The following CELSR1 variants were observed in gnomAD, a reference collection of about 807,000 sequenced individuals.
The protein encoded by CELSR1 is adhesion G protein-coupled receptor C1.
CELSR1 carries 110 observed loss-of-function variants against 249.1 expected under a neutral mutation model. That is an observed-to-expected ratio of 0.44 (90% CI 0.38 to 0.52). The LOEUF is 0.52. CELSR1 is among the 20% of genes least tolerant of loss of function. CELSR1 has a pLI of 0.00. For synonymous variants in CELSR1, 2,113 were observed against 1,900.0 expected (o/e 1.11, Z -2.92); for missense variants, 4,109 against 4,296.4 (o/e 0.96, Z 1.22).
Position 46,511,473 on chromosome 22 carries a change from G to T in CELSR1, c.3544+22154C>A, listed in dbSNP as rs891024644. On this transcript the variant is annotated intron_variant, in intron 1 of 34. Coordinates refer to ENST00000674500, the MANE Select transcript of CELSR1 (RefSeq NM_001378328.1). ...ATGGCGTGGAGCAGACTTTCCTTCT[G>T]CTCTATTTCATAACACGATAGTGAC... Among the ~76,000 whole-genome samples the T allele has an allele frequency of 2.0e-5, 3 of 152,336 alleles. No individual in the cohort carries two copies. The East Asian group carries it at 5.8e-4, about 29-fold the overall frequency.
In CELSR1 at chr22:46,364,698, C is replaced by G; in HGVS notation, c.8593G>C (p.Asp2865His). 6.2e-7 allele frequency: 1 copy of G among 1,612,426 alleles called. No individual in the cohort carries two copies. The highest frequency in any genetic ancestry group is 1.1e-5 in the South Asian group (1 of 91,056). ...CTGTCACTCTCAGCCAGGCTCTGGT[C>G]GGGCCAGCCGGCCGGAACGTGGTTG... ...VANHVPAGWPDQSLAESDSED... is the reference protein window; with the variant it reads ...VANHVPAGWPHQSLAESDSED... The change falls in exon 33 of 35, where the codon GAC becomes CAC. Residue 2865 changes from aspartate to histidine, a missense_variant. Coordinates refer to ENST00000674500, the MANE Select transcript of CELSR1 (RefSeq NM_001378328.1).
intron 5 of CELSR1, among the ~76,000 whole-genome samples, chr22:46,416,973 T>A (rs1260997082): frequency 8.4e-5 from 1 of 11,912 alleles, no homozygotes; most frequent in Admixed American, 1.3e-3. Flanking sequence ...GGGAAGGCGG[T>A]GTGGGGGGGT....
intron 3 of CELSR1, 72 bp downstream of exon 3, chr22:46,439,117 G>T: frequency 7.2e-7 from 1 of 1,381,218 alleles, no homozygotes; most frequent in Non-Finnish European, 1.0e-6. Flanking sequence ...GATCTAGAGG[G>T]ATGGGGTGCA....
rs1027332073 is a variant in CELSR1, at chr22:46,454,179, G to C, written c.4183+9528C>G. 4.6e-5 allele frequency among the ~76,000 whole-genome samples: 7 copies of C among 152,102 alleles called. No homozygotes were observed. Among genetic ancestry groups the C allele is most frequent in the Admixed American group, 4.6e-4 (7 of 15,270 alleles). ...GGTGCCAGGGACTAAGGACCAGGTG[G>C]CCTCCAGCAGCTGAGGAAGGCAGAG... On this transcript the variant is annotated intron_variant, in intron 2 of 34. Coordinates refer to ENST00000674500, the MANE Select transcript of CELSR1 (RefSeq NM_001378328.1). This position sits in a 1 kb window ranked among gnomAD's most constrained non-coding sequence, Gnocchi z 5.1.
In CELSR1 at chr22:46,429,065, G is replaced by A. The variant is rs1431688488; in HGVS notation, c.4611+4328C>T. ...TGGGGTCTAAACGTGATCCCCGCAGGCAGCCTCAGGGAAGCACAGTAAGGG... is the reference window on the plus strand; with the variant it reads ...TGGGGTCTAAACGTGATCCCCGCAGACAGCCTCAGGGAAGCACAGTAAGGG... On this transcript the variant is annotated intron_variant, in intron 5 of 34. Coordinates refer to ENST00000674500, the MANE Select transcript of CELSR1 (RefSeq NM_001378328.1). The surrounding 1 kb of genome is among the most constrained non-coding windows in gnomAD (Gnocchi z 4.1). Among the ~76,000 whole-genome samples, 1 of 152,118 alleles carries A rather than the reference G, an allele frequency of 6.6e-6. No homozygotes were observed. The highest frequency in any genetic ancestry group is 1.5e-5 in the Non-Finnish European group (1 of 68,004).
chr22:46,537,528 C>G lies in CELSR1; in HGVS notation c.-358G>C, dbSNP rs1228592612. 6.8e-6 allele frequency among the ~76,000 whole-genome samples: 1 copy of G among 147,984 alleles called. No homozygotes were observed. ...ACGGGCGTGGGAAGCGGGGCGGGCC[C>G]GGCGCGGGGCGGGGGCTGAGTTCCC... On this transcript the variant is annotated 5_prime_UTR_variant, in exon 1 of 35. Transcript: ENST00000674500. This position sits in a 1 kb window ranked among gnomAD's most constrained non-coding sequence, Gnocchi z 5.8.
intron 1 of CELSR1, among the ~76,000 whole-genome samples, chr22:46,466,086 C>A (rs1466994080): frequency 6.6e-6 from 1 of 152,184 alleles, no homozygotes; most frequent in African/African-American, 2.4e-5. Flanking sequence ...CCACAGAGCA[C>A]CTCGGAGCAG....
At position 46,364,052 on chromosome 22, in the gene CELSR1, G is replaced by A. The variant is rs141868181; in HGVS notation, c.8979C>T (p.Asn2993=). ...CAGTGCGCACATTCATGGCCACCCC[G>A]TTGAGGTGGTCACGCCCCGGCTCCC... is the stretch of plus-strand genomic sequence containing the variant. The part of the protein sequence containing the change: ...PGREPGRDHL[N]GVAMNVRTGS... Residue 2993 remains asparagine (N), a synonymous_variant, in exon 34 of 35, where the codon AAC becomes AAT. Coordinates refer to ENST00000674500, the MANE Select transcript of CELSR1 (RefSeq NM_001378328.1). The A allele has an allele frequency of 2.9e-3, 4,673 of 1,612,120 alleles. 13 individuals are homozygous for A. Among genetic ancestry groups the A allele is most frequent in the East Asian group, 6.1e-3 (274 of 44,860 alleles).
At chr22:46,487,908 GCT>G (rs2080331167) in intron 1 of CELSR1, among the ~76,000 whole-genome samples, 1 of 133,026 alleles carries the variant, frequency 7.5e-6, no homozygotes, top group Non-Finnish European at 1.6e-5. Context: ...ATATGGGAGG[GCT>G]GTCCAGCTGA....
Position 46,363,156 on chromosome 22 carries a change from T to C in CELSR1, c.*67A>G, listed in dbSNP as rs761516311. On this transcript the variant is annotated 3_prime_UTR_variant, in exon 35 of 35. Transcript: ENST00000674500. This position sits in a 1 kb window ranked among gnomAD's most constrained non-coding sequence, Gnocchi z 4.3. ...AAGGTCTGAGGGTGATGCCGCAGCCTGTGTGGGGTGACGGGCTTGCCTCAC... is the reference window on the plus strand; with the variant it reads ...AAGGTCTGAGGGTGATGCCGCAGCCCGTGTGGGGTGACGGGCTTGCCTCAC... 11 of 1,613,628 alleles carry C rather than the reference T, an allele frequency of 6.8e-6. No individual in the cohort carries two copies. In the Middle Eastern group the frequency reaches 4.9e-4, roughly 72 times the overall value.
chr22:46,420,828 A>G (rs1051389930), intron 5 of CELSR1, among the ~76,000 whole-genome samples: 1 of 152,132 alleles, frequency 6.6e-6, no homozygotes, highest in Non-Finnish European at 1.5e-5. Context: ...AAGGGGTGAC[A>G]TGCTCAGTAT....
chr22:46,418,607 G>A (rs2079430092), intron 5 of CELSR1, among the ~76,000 whole-genome samples: 2 of 152,206 alleles, frequency 1.3e-5, no homozygotes, highest in Admixed American at 6.5e-5. Context: ...CGCTGAACCC[G>A]CAGGCTCTTC....
chr22:46,495,894 T>C (rs547235785), intron 1 of CELSR1, among the ~76,000 whole-genome samples: 4 of 151,132 alleles, frequency 2.6e-5, no homozygotes, highest in African/African-American at 9.7e-5. Flanking sequence ...ATAAAGTTTT[T>C]AATTTAAAAA....
At chr22:46,451,849 G>A (rs536847577) in intron 2 of CELSR1, among the ~76,000 whole-genome samples, 3 of 152,354 alleles carry the variant, frequency 2.0e-5, no homozygotes, top group African/African-American at 7.2e-5. Flanking sequence ...ATCTTGAGAT[G>A]AGGCAATCCG....
chr22:46,371,619 C>A (rs1569109039), intron 25 of CELSR1, among the ~76,000 whole-genome samples: 1 of 151,752 alleles, frequency 6.6e-6, no homozygotes, highest in Non-Finnish European at 1.5e-5. Context: ...GCTACCAATC[C>A]ATCCACCCAC....
At chr22:46,456,599 C>T (rs1201785204) in intron 2 of CELSR1, among the ~76,000 whole-genome samples, 1 of 138,026 alleles carries the variant, frequency 7.2e-6, no homozygotes, top group African/African-American at 2.7e-5. Flanking sequence ...GGAGGCAGAG[C>T]TTGCAGTGAG....
At chr22:46,482,572 G>A (rs541619968) in intron 1 of CELSR1, among the ~76,000 whole-genome samples, 45 of 152,168 alleles carry the variant, frequency 3.0e-4, no homozygotes, top group Non-Finnish European at 5.9e-4. Context: ...GTGGGTGGCA[G>A]AGTGGGATTG....
rs1263322649 is a variant in CELSR1, at chr22:46,411,577, G to C, written c.4769+25C>G. On this transcript the variant is annotated intron_variant, in intron 6 of 34. Transcript: ENST00000674500. The surrounding 1 kb of genome is among the most constrained non-coding windows in gnomAD (Gnocchi z 4.2). ...GCATGTTTGGGGGTACGGACCCCCA[G>C]GGCCTCCCCTCCTGGGATGCTCACT... 14 of 1,613,454 alleles carry C rather than the reference G, an allele frequency of 8.7e-6. No homozygotes were observed. Among genetic ancestry groups the C allele is most frequent in the Admixed American group, 1.7e-5 (1 of 59,992 alleles).
At chr22:46,387,871 A>C (rs550771353) in intron 18 of CELSR1, among the ~76,000 whole-genome samples, 3 of 152,208 alleles carry the variant, frequency 2.0e-5, no homozygotes, top group Non-Finnish European at 4.4e-5. Flanking sequence ...AACTCCACCA[A>C]CCACGTCAAG....
Sources: allele counts gnomAD v4.1 joint callset (sites outside exome capture counted in the v4.1 genomes callset), GRCh38; gene constraint gnomAD v4.1.1; non-coding constraint Gnocchi (gnomAD v3.1); transcripts MANE v1.5; gene names NCBI Gene and HGNC (gene_info 2026-07-23, HGNC 2026-07-21).